ULK1: variants seen among roughly 807,000 people sequenced by gnomAD.
ULK1 encodes the protein unc-51 like autophagy activating kinase 1, also known as serine/threonine-protein kinase ULK1.
ULK1 carries 48 observed loss-of-function variants against 117.5 expected under a neutral mutation model. That is an observed-to-expected ratio of 0.41 (90% CI 0.32 to 0.52). ULK1 has a LOEUF of 0.52. Among genes scored for constraint, ULK1 ranks in the 20% least tolerant of loss-of-function variants. The probability of loss-of-function intolerance (pLI) is 0.29; values close to 1 mark genes in which losing one functional copy is unlikely to be tolerated. For synonymous variants in ULK1, 790 were observed against 637.8 expected, an observed-to-expected ratio of 1.24 and a Z score of -3.60; for missense variants, 1,387 against 1,473.4, an observed-to-expected ratio of 0.94 and a Z score of 0.96.
At chr12:131,905,071 C>T (rs1365843001) in intron 3 of ULK1, among the ~76,000 whole-genome samples, 1 of 152,134 alleles carries the variant, frequency 6.6e-6, no homozygotes, top group African/African-American at 2.4e-5. Flanking sequence ...TGAGGCCTGC[C>T]TCATGGATAG....
chr12:131,908,923 C>T lies in ULK1; in HGVS notation c.516C>T (p.Leu172=). 6.2e-7 allele frequency: 1 copy of T among 1,612,152 alleles called. No homozygotes were observed. Among genetic ancestry groups the T allele is most frequent in the Non-Finnish European group, 8.5e-7 (1 of 1,179,822 alleles). The stretch of plus-strand genomic sequence containing the variant: ...CTGACTTCGGCTTCGCGCGGTACCT[C>T]CAGAGCAACATGATGGCGGCCACAC... The part of the protein sequence containing the change: ...KIADFGFARY[L]QSNMMAATLC... The change falls in exon 7 of 28, where the codon CTC becomes CTT. Residue 172 remains leucine (L), a synonymous_variant. Transcript: ENST00000321867.
At chr12:131,910,833 T>A (rs1437503928) in intron 12 of ULK1, 33 bp downstream of exon 12, 7 of 1,610,442 alleles carry the variant, frequency 4.3e-6, no homozygotes, top group Non-Finnish European at 5.9e-6. Flanking sequence ...TGGCAGCTTC[T>A]CCCTCCACTC....
rs374570609 is a variant in ULK1 at position 131,918,529 on chromosome 12, C to T, written c.2359C>T (p.Arg787Cys). ...CACTGGCTCTGCCAGCTCTTCTGCC[C>T]GCCACCTGGTGCCTGGGCCCTGCAG... ...GPTGSASSSA[R>C]HLVPGPCSEA... Residue 787 changes from arginine (R) to cysteine (C), a missense_variant, in exon 23 of 28, where the codon CGC (arginine) becomes TGC (cysteine). Coordinates refer to ENST00000321867, the MANE Select transcript of ULK1 (RefSeq NM_003565.4). The T allele has an allele frequency of 7.5e-6, 12 of 1,610,568 alleles. No individual in the cohort carries two copies. The highest frequency in any genetic ancestry group is 2.2e-5 in the East Asian group (1 of 44,820).
In ULK1 at chr12:131,919,511, G is replaced by A; in HGVS notation, c.2724G>A (p.Glu908=). The change falls in exon 25 of 28, where the codon GAG becomes GAA. Residue 908 remains glutamate (E), a synonymous_variant. Transcript: ENST00000321867. ...EQLVLYLKVA[E]LLSSGLQSAI... ...TGGTGCTGTACCTGAAGGTGGCCGA[G>A]CTACTGTCCTCCGGCCTGCAAAGTG... 6.2e-7 allele frequency: 1 copy of A among 1,612,086 alleles called. No homozygotes were observed. The highest frequency in any genetic ancestry group is 8.5e-7 in the Non-Finnish European group (1 of 1,179,582).
chr12:131,920,097 CACTGCCG>C lies in ULK1; in HGVS notation c.2924_2930del (p.Thr975ArgfsTer69). 1 of 1,612,838 alleles carries C rather than the reference CACTGCCG, an allele frequency of 6.2e-7. No individual in the cohort carries two copies. The highest frequency in any genetic ancestry group is 1.1e-5 in the South Asian group (1 of 91,082). ...GGCTCCTGGACCGCATTCACAGCAT[CACTGCCG>C]AGAGGCTCATCTTCAGCCACGCTGT... On this transcript the variant is annotated frameshift_variant, in exon 26 of 28. Coordinates refer to ENST00000321867, the MANE Select transcript of ULK1 (RefSeq NM_003565.4). LOFTEE classifies it high-confidence loss of function.
At chr12:131,905,025 G>A (rs1026809866) in intron 3 of ULK1, among the ~76,000 whole-genome samples, 2 of 152,288 alleles carry the variant, frequency 1.3e-5, no homozygotes, top group African/African-American at 4.8e-5. Context: ...GAGGCCAGGC[G>A]GGGCTTGGGG....
Position 131,916,054 on chromosome 12 carries a change from G to A in ULK1, c.1773G>A (p.Gln591=). ...GCCCACCACAGGCCAGCCCTCCCCA[G>A]CCGTCCCACGGCCTGCAGTCCTGCC... ...VFSPPQASPP[Q]PSHGLQSCRN... is the part of the protein sequence containing the mutation. Residue 591 remains glutamine (Q), a synonymous_variant, in exon 19 of 28, where the codon CAG becomes CAA. Coordinates refer to ENST00000321867, the MANE Select transcript of ULK1 (RefSeq NM_003565.4). 1 of 1,611,822 alleles carries A rather than the reference G, an allele frequency of 6.2e-7. No homozygotes were observed. The highest frequency in any genetic ancestry group is 8.5e-7 in the Non-Finnish European group (1 of 1,179,698).
intron 3 of ULK1, 51 bp from the exon 4 acceptor site, chr12:131,906,841 G>A (rs1325488951): frequency 1.2e-6 from 2 of 1,613,048 alleles, no homozygotes; most frequent in African/African-American, 2.7e-5. Context: ...ACTCCCTGCA[G>A]TGGGGCCCGG....
intron 22 of ULK1, among the ~76,000 whole-genome samples, chr12:131,917,951 G>A (rs1889937880): frequency 6.6e-6 from 1 of 152,224 alleles, no homozygotes; most frequent in Non-Finnish European, 1.5e-5. Context: ...CCCAGCCAGT[G>A]GTGTGTGGGG....
In ULK1 at chr12:131,910,887, G is replaced by C; in HGVS notation, c.948+87G>C. The C allele has an allele frequency of 2.6e-6, 4 of 1,567,378 alleles. No homozygotes were observed. The South Asian group carries it at 4.6e-5, about 18-fold the overall frequency. On this transcript the variant is annotated intron_variant, in intron 12 of 27. Coordinates refer to ENST00000321867, the MANE Select transcript of ULK1 (RefSeq NM_003565.4). ...CCCTGGGCCCCCGCGGGGACGTGCT[G>C]TGACTTCTGTTGTCTGTGTGAGTCA...
chr12:131,912,350 C>T (rs922084299), intron 13 of ULK1, among the ~76,000 whole-genome samples: 1 of 152,180 alleles, frequency 6.6e-6, no homozygotes, highest in African/African-American at 2.4e-5. Context: ...TGCTGCTCTT[C>T]GGATGGGTGG....
At chr12:131,915,016 C>A (rs1016647309) in intron 16 of ULK1, 67 bp from the exon 17 acceptor site, 7 of 1,503,174 alleles carry the variant, frequency 4.7e-6, no homozygotes, top group African/African-American at 4.2e-5. Flanking sequence ...GTCCCCAGGT[C>A]CTCTGCCGTC....
At chr12:131,910,195 A>G in intron 10 of ULK1, 59 bp from the exon 11 acceptor site, 1 of 1,605,738 alleles carries the variant, frequency 6.2e-7, no homozygotes, top group Non-Finnish European at 8.5e-7. Context: ...GTGGGGAGGC[A>G]GGGGCCTGGG....
At position 131,908,814 on chromosome 12, in the gene ULK1, A is replaced by C; in HGVS notation, c.487A>C (p.Ile163Leu). Reference sequence around the variant, plus strand: ...CAACCCCAACAGCATCCGCGTCAAGATCGGTCAGCCCGCGGGCAGGCAGGC... The same window carrying C: ...CAACCCCAACAGCATCCGCGTCAAGCTCGGTCAGCCCGCGGGCAGGCAGGC... ...RANPNSIRVK[I>L]ADFGFARYLQ... The change falls in exon 6 of 28, where the codon ATC (isoleucine) becomes CTC (leucine). Residue 163 changes from isoleucine to leucine, a missense_variant. Physicochemically the swap from Ile to Leu is conservative, Grantham distance 5. Transcript: ENST00000321867. The C allele has an allele frequency of 6.2e-7, 1 of 1,605,352 alleles. No individual in the cohort carries two copies. The highest frequency in any genetic ancestry group is 8.5e-7 in the Non-Finnish European group (1 of 1,176,746).
intron 20 of ULK1, 79 bp from the exon 21 acceptor site, chr12:131,916,873 TG>T (rs1889812979): frequency 2.6e-6 from 3 of 1,145,904 alleles, no homozygotes; most frequent in Non-Finnish European, 3.6e-6. Context: ...CATGTGTGTC[TG>T]GCCTGCAGAG....
chr12:131,894,948 C>A lies in ULK1; in HGVS notation c.-54C>A, dbSNP rs1336038693. On this transcript the variant is annotated 5_prime_UTR_variant, in exon 1 of 28. Coordinates refer to ENST00000321867, the MANE Select transcript of ULK1 (RefSeq NM_003565.4). ...CCCCGGCCCGCGCCTCCGCCTGAGT[C>A]CCCCGCGCCTTGGCCCGCCACCCCC... 2 of 340,314 alleles carry A rather than the reference C, an allele frequency of 5.9e-6. No homozygotes were observed. The highest frequency in any genetic ancestry group is 8.5e-6 in the Non-Finnish European group (2 of 235,758). The allele number at this position is 340,314 out of a possible 1,614,324, so 21.1% of individuals were successfully genotyped here. A position where few individuals can be genotyped will look rare whatever the true frequency, so the allele number is the denominator to read the frequency against.
chr12:131,912,251 G>C (rs1398547285), intron 13 of ULK1, among the ~76,000 whole-genome samples, 162 bp downstream of exon 13: 1 of 152,244 alleles, frequency 6.6e-6, no homozygotes, highest in Non-Finnish European at 1.5e-5. Flanking sequence ...GGGAGGCCGT[G>C]TCTGTTAAAA....
chr12:131,919,692 C>T, intron 25 of ULK1, 102 bp downstream of exon 25: 1 of 1,383,512 alleles, frequency 7.2e-7, no homozygotes, highest in Non-Finnish European at 1.0e-6. Flanking sequence ...TGAGTAGGCC[C>T]CTGTGCAGAG....
At chr12:131,898,656 C>T (rs1888968935) in intron 3 of ULK1, among the ~76,000 whole-genome samples, 1 of 151,672 alleles carries the variant, frequency 6.6e-6, no homozygotes, top group South Asian at 2.1e-4. Context: ...CGCCTGCCAC[C>T]ACGCTAGGCT....
Sources: allele counts gnomAD v4.1 joint callset (sites outside exome capture counted in the v4.1 genomes callset), GRCh38; gene constraint gnomAD v4.1.1; transcripts MANE v1.5; gene names NCBI Gene and HGNC (gene_info 2026-07-23, HGNC 2026-07-21).